Variants in MLLT10 observed in about 807,000 individuals in gnomAD.
MLLT10 encodes the protein protein AF-10.
In MLLT10, 30 loss-of-function variants were observed where a neutral mutation model predicts 129.1. The observed-to-expected ratio is 0.23, with a 90% confidence interval of 0.17 to 0.32. The LOEUF (loss-of-function observed/expected upper bound fraction) is 0.32, where lower values mean the gene tolerates loss of function less well. Among genes scored for constraint, MLLT10 ranks in the 10% least tolerant of loss-of-function variants. MLLT10 has a pLI of 1.00. For missense variants in MLLT10, 1,119 were observed against 1,268.3 expected, an observed-to-expected ratio of 0.88 and a Z score of 1.79; for synonymous variants, 490 against 446.4, an observed-to-expected ratio of 1.10 and a Z score of -1.23.
chr10:21,623,633 GTTGAT>G (rs1229744156), intron 8 of MLLT10, among the ~76,000 whole-genome samples: 1 of 152,190 alleles, frequency 6.6e-6, no homozygotes. Context: ...AGAATGAACA[GTTGAT>G]TTGACTAGTC....
intron 3 of MLLT10, among the ~76,000 whole-genome samples, chr10:21,579,993 C>T (rs1246669538): frequency 7.3e-5 from 11 of 149,814 alleles, no homozygotes; most frequent in Admixed American, 1.3e-4. Context: ...TTAAAAAATT[C>T]TTTGTTTTTT....
intron 2 of MLLT10, among the ~76,000 whole-genome samples, chr10:21,535,933 TA>T (rs1467733028): frequency 6.6e-6 from 1 of 152,190 alleles, no homozygotes; most frequent in Non-Finnish European, 1.5e-5. Flanking sequence ...CCCAGACTTT[TA>T]TTTTTTTACT....
intron 3 of MLLT10, among the ~76,000 whole-genome samples, chr10:21,557,987 T>C (rs2038281760): frequency 6.7e-6 from 1 of 148,380 alleles, no homozygotes; most frequent in Non-Finnish European, 1.5e-5. Flanking sequence ...TCTCGCTCTT[T>C]TGCCCAGGCT....
At chr10:21,649,786 C>T (rs1404224842) in intron 8 of MLLT10, among the ~76,000 whole-genome samples, 4 of 152,150 alleles carry the variant, frequency 2.6e-5, no homozygotes, top group Middle Eastern at 3.2e-3. Flanking sequence ...GGTTCTTGAG[C>T]TTATACACCA....
At chr10:21,680,845 A>AC (rs760133767) in intron 11 of MLLT10, among the ~76,000 whole-genome samples, 1 of 151,806 alleles carries the variant, frequency 6.6e-6, no homozygotes, top group African/African-American at 2.4e-5. Context: ...GGTGGCATGC[A>AC]CCTGTAGTCC....
intron 8 of MLLT10, among the ~76,000 whole-genome samples, chr10:21,626,921 G>C (rs777715474): frequency 1.3e-4 from 20 of 152,162 alleles, no homozygotes; most frequent in Admixed American, 1.1e-3. Context: ...TGTTGGGTGA[G>C]ACTGAAGAGT....
At chr10:21,556,629 TG>T in intron 3 of MLLT10, 2 of 1,596,890 alleles carry the variant, frequency 1.3e-6, no homozygotes, top group Non-Finnish European at 1.7e-6. Flanking sequence ...GGGATTGTTT[TG>T]ATTGCTTTTC....
At chr10:21,667,362 T>G (rs1009005497) in intron 9 of MLLT10, among the ~76,000 whole-genome samples, 7 of 150,874 alleles carry the variant, frequency 4.6e-5, no homozygotes, top group Admixed American at 2.6e-4. Flanking sequence ...TCTTAAACTG[T>G]GGGGGTTTTT....
chr10:21,728,724 C>G (rs1272968556), intron 16 of MLLT10, among the ~76,000 whole-genome samples: 1 of 151,952 alleles, frequency 6.6e-6, no homozygotes, highest in African/African-American at 2.4e-5. Context: ...ATGGGAGAAA[C>G]GTGATTAAAA....
chr10:21,736,273 TG>T (rs1479869108), intron 21 of MLLT10, among the ~76,000 whole-genome samples: 16 of 152,114 alleles, frequency 1.1e-4, no homozygotes, highest in African/African-American at 3.6e-4. Context: ...GAAAACTGCC[TG>T]GAATTGTGGT....
chr10:21,584,612 C>T (rs918846869), intron 3 of MLLT10, among the ~76,000 whole-genome samples: 2 of 152,072 alleles, frequency 1.3e-5, no homozygotes, highest in South Asian at 2.1e-4. Flanking sequence ...CTGCACCCGG[C>T]CTCATTAGGC....
intron 14 of MLLT10, 71 bp from the exon 15 acceptor site, chr10:21,726,173 C>T (rs539352358): frequency 1.0e-6 from 1 of 999,114 alleles, no homozygotes; most frequent in Admixed American, 2.2e-5. Context: ...ATTACTAGAT[C>T]TATTAGAAGG....
intron 9 of MLLT10, among the ~76,000 whole-genome samples, chr10:21,652,533 T>C (rs1359639371): frequency 6.6e-6 from 1 of 152,198 alleles, no homozygotes; most frequent in Non-Finnish European, 1.5e-5. Context: ...TAAGTAGTAT[T>C]AGGATTATTA....
rs2051292077 is a variant in MLLT10 at position 21,670,560 on chromosome 10, A to G, written c.907A>G (p.Ser303Gly). The G allele has an allele frequency of 4.3e-6, 7 of 1,614,154 alleles. No homozygotes were observed. The highest frequency in any genetic ancestry group is 2.2e-5 in the South Asian group (2 of 91,078). The change falls in exon 10 of 23, where the codon AGT becomes GGT. Residue 303 changes from serine to glycine, a missense_variant. By Grantham distance (56) the Ser-to-Gly change is moderately conservative. Coordinates refer to ENST00000307729, the MANE Select transcript of MLLT10 (RefSeq NM_001195626.3). The stretch of plus-strand genomic sequence containing the variant: ...CCAGGAAGTCTCTGCACACACCTCT[A>G]GTGGAAAAGATGTTTCAGAGACTAG... The part of the protein sequence containing the change: ...NFQEVSAHTS[S>G]GKDVSETRGS...
intron 9 of MLLT10, among the ~76,000 whole-genome samples, chr10:21,652,322 T>G (rs941388035): frequency 6.6e-6 from 1 of 152,196 alleles, no homozygotes; most frequent in African/African-American, 2.4e-5. Flanking sequence ...ACAGAGAATT[T>G]TGGCTGTGGG....
intron 3 of MLLT10, among the ~76,000 whole-genome samples, chr10:21,544,139 T>G (rs922215991): frequency 5.9e-5 from 9 of 152,190 alleles, no homozygotes; most frequent in African/African-American, 2.2e-4. Context: ...ATACTATAGT[T>G]TTAAGAGAGA....
intron 2 of MLLT10, among the ~76,000 whole-genome samples, chr10:21,537,961 A>C (rs1194217666): frequency 6.6e-6 from 1 of 152,028 alleles, no homozygotes; most frequent in Non-Finnish European, 1.5e-5. Context: ...GTATAATTAA[A>C]TCATTTGGAG....
intron 3 of MLLT10, among the ~76,000 whole-genome samples, chr10:21,563,812 TTA>T (rs1413942401): frequency 6.7e-6 from 1 of 149,384 alleles, no homozygotes; most frequent in Admixed American, 6.7e-5. Flanking sequence ...ATTATTATTA[TTA>T]TTATTATTAT....
intron 8 of MLLT10, among the ~76,000 whole-genome samples, chr10:21,649,250 T>A (rs185477010): frequency 6.6e-6 from 1 of 151,908 alleles, no homozygotes; most frequent in East Asian, 1.9e-4. Context: ...TAATTTTTTA[T>A]TTTTTTTGTA....
Sources: gnomAD v4.1 joint callset for allele counts (sites outside exome capture counted in the v4.1 genomes callset) on GRCh38, gnomAD v4.1.1 for gene constraint, MANE v1.5 for transcripts, NCBI Gene and HGNC (gene_info 2026-07-23, HGNC 2026-07-21) for gene names.